SWT1: variants seen among roughly 807,000 people sequenced by gnomAD.
SWT1 encodes transcriptional protein SWT1.
In SWT1, 33 loss-of-function variants were observed where a neutral mutation model predicts 107.3. The observed-to-expected ratio is 0.31, with a 90% CI of 0.23 to 0.41. The LOEUF is 0.41. Among genes scored for constraint, SWT1 ranks in the 10% least tolerant of loss-of-function variants. The probability of loss-of-function intolerance (pLI) is 1.00; values close to 1 mark genes in which losing one functional copy is unlikely to be tolerated. For missense variants in SWT1, 898 were observed against 1,028.9 expected, an observed-to-expected ratio of 0.87 and a Z score of 1.74; for synonymous variants, 345 against 348.3, an observed-to-expected ratio of 0.99 and a Z score of 0.11.
intron 7 of SWT1, among the ~76,000 whole-genome samples, chr1:185,183,395 A>G (rs898967174): frequency 1.3e-5 from 2 of 151,860 alleles, no homozygotes; most frequent in Non-Finnish European, 2.9e-5. Context: ...GGTTCAAGCA[A>G]TTCTCCTGCC....
chr1:185,224,857 C>T (rs372520561), intron 15 of SWT1, among the ~76,000 whole-genome samples: 13 of 152,024 alleles, frequency 8.6e-5, no homozygotes, highest in Non-Finnish European at 1.6e-4. Flanking sequence ...AAGACATTTT[C>T]GGTGGAGTCT....
At chr1:185,253,701 G>C (rs1386279949) in intron 16 of SWT1, among the ~76,000 whole-genome samples, 1 of 152,054 alleles carries the variant, frequency 6.6e-6, no homozygotes, top group Non-Finnish European at 1.5e-5. Flanking sequence ...GGGTTTTCTA[G>C]ATATACAATC....
intron 2 of SWT1, among the ~76,000 whole-genome samples, chr1:185,164,643 A>G (rs1378932200): frequency 1.3e-5 from 2 of 152,096 alleles, no homozygotes; most frequent in African/African-American, 2.4e-5. Flanking sequence ...TCATGAACCA[A>G]CCTCTCTGCT....
chr1:185,238,921 T>C (rs1248424231), intron 16 of SWT1, among the ~76,000 whole-genome samples: 5 of 152,140 alleles, frequency 3.3e-5, no homozygotes, highest in Non-Finnish European at 7.4e-5. Flanking sequence ...AAATTAAATA[T>C]TGAAATTGCA....
chr1:185,194,644 T>C (rs957631353), intron 10 of SWT1, among the ~76,000 whole-genome samples: 4 of 152,168 alleles, frequency 2.6e-5, no homozygotes, highest in African/African-American at 9.6e-5. Context: ...TTCAAGTTTG[T>C]TGATTCTTTC....
intron 11 of SWT1, among the ~76,000 whole-genome samples, chr1:185,204,260 G>C (rs1428210231): frequency 6.6e-6 from 1 of 151,424 alleles, no homozygotes; most frequent in African/African-American, 2.4e-5. Context: ...CTGGGCAACA[G>C]AGCGAGACTC....
chr1:185,165,884 C>T (rs1166621222), intron 2 of SWT1, among the ~76,000 whole-genome samples: 1 of 152,194 alleles, frequency 6.6e-6, no homozygotes, highest in Non-Finnish European at 1.5e-5. Context: ...TGGTTTGTTT[C>T]TTCACTTTAT....
chr1:185,234,287 A>G (rs1428596824), intron 16 of SWT1, among the ~76,000 whole-genome samples: 1 of 152,164 alleles, frequency 6.6e-6, no homozygotes, highest in Non-Finnish European at 1.5e-5. Flanking sequence ...TGCTTTATGA[A>G]TCTGGGTACT....
At chr1:185,289,397 G>A (rs1665123891) in intron 18 of SWT1, among the ~76,000 whole-genome samples, 1 of 152,172 alleles carries the variant, frequency 6.6e-6, no homozygotes, top group Admixed American at 6.5e-5. Flanking sequence ...GGGCTTGGTT[G>A]AACAATCTAG....
intron 16 of SWT1, among the ~76,000 whole-genome samples, chr1:185,233,783 G>A (rs1222248224): frequency 3.3e-5 from 5 of 151,950 alleles, no homozygotes; most frequent in East Asian, 1.9e-4. Context: ...TTGCTCTGTC[G>A]CCCAGGCTGG....
chr1:185,248,060 T>C (rs746042024), intron 16 of SWT1, among the ~76,000 whole-genome samples: 3 of 152,184 alleles, frequency 2.0e-5, no homozygotes, highest in Non-Finnish European at 2.9e-5. Context: ...CAGTACATGA[T>C]TACTATGGTT....
At chr1:185,173,138 T>C (rs1655230252) in intron 4 of SWT1, among the ~76,000 whole-genome samples, 1 of 152,106 alleles carries the variant, frequency 6.6e-6, no homozygotes, top group Non-Finnish European at 1.5e-5. Flanking sequence ...AAAATGTTTA[T>C]TAGCTGTTTT....
rs1160961954 is a variant in SWT1, at chr1:185,242,098, CAG to C, written c.2441+10391_2441+10392del. 3.3e-5 allele frequency among the ~76,000 whole-genome samples: 5 copies of C among 152,166 alleles called. No homozygotes were observed. In the East Asian group the frequency reaches 7.7e-4, roughly 24 times the overall value. The stretch of plus-strand genomic sequence containing the variant: ...TAGGATCTAATGGAAGAGTTAGACT[CAG>C]GGAATATAAGCAGGCAGTTCTTGTT... On this transcript the variant is annotated intron_variant, in intron 16 of 18. Transcript: ENST00000367500.
At chr1:185,251,788 A>G (rs1044139450) in intron 16 of SWT1, among the ~76,000 whole-genome samples, 1 of 150,608 alleles carries the variant, frequency 6.6e-6, no homozygotes, top group African/African-American at 2.4e-5. Context: ...AACAATTTAT[A>G]TATATATATA....
At chr1:185,283,548 GTTTT>G (rs1381376960) in intron 18 of SWT1, among the ~76,000 whole-genome samples, 4 of 147,778 alleles carry the variant, frequency 2.7e-5, no homozygotes, top group Admixed American at 6.8e-5. Context: ...AGTATGTAAG[GTTTT>G]TGTTTGTTTG....
intron 18 of SWT1, among the ~76,000 whole-genome samples, chr1:185,290,428 T>A (rs1043962293): frequency 9.9e-5 from 15 of 152,140 alleles, no homozygotes; most frequent in Admixed American, 5.9e-4. Context: ...AGTTTTTTTT[T>A]AAATAGTAAT....
chr1:185,267,096 C>A (rs1403512647), intron 16 of SWT1, among the ~76,000 whole-genome samples: 1 of 152,114 alleles, frequency 6.6e-6, no homozygotes. Context: ...ATTTGGATAC[C>A]TACCACCACT....
At chr1:185,198,559 G>A (rs1483735096) in intron 10 of SWT1, among the ~76,000 whole-genome samples, 2 of 152,030 alleles carry the variant, frequency 1.3e-5, no homozygotes, top group Non-Finnish European at 2.9e-5. Context: ...TATTGTGTTG[G>A]GAGTCTAAGT....
At chr1:185,282,855 GAGTAT>G (rs921391788) in intron 18 of SWT1, among the ~76,000 whole-genome samples, 5 of 152,052 alleles carry the variant, frequency 3.3e-5, no homozygotes, top group African/African-American at 1.2e-4. Flanking sequence ...GAGTATATGA[GAGTAT>G]AGTAGGAAAC....
Sources: allele counts gnomAD v4.1 joint callset (sites outside exome capture counted in the v4.1 genomes callset), GRCh38; gene constraint gnomAD v4.1.1; transcripts MANE v1.5; gene names NCBI Gene and HGNC (gene_info 2026-07-23, HGNC 2026-07-21).